Variants in PLXNA4 observed in about 807,000 individuals in gnomAD.
The protein encoded by PLXNA4 is plexin-A4.
In PLXNA4, 44 loss-of-function variants were observed where a neutral mutation model predicts 191.8. The ratio of observed to expected loss-of-function variants is 0.23; its 90% CI spans 0.18 to 0.29. The LOEUF (loss-of-function observed/expected upper bound fraction) is 0.29. Ranked by LOEUF, PLXNA4 falls within the 10% of genes least tolerant of loss-of-function variation. The pLI, the probability that PLXNA4 is intolerant of heterozygous loss-of-function variation, is 1.00. For missense variants in PLXNA4, 1,800 were observed against 2,488.8 expected (o/e 0.72, Z 5.89); for synonymous variants, 1,082 against 1,009.5 (o/e 1.07, Z -1.36).
At chr7:132,588,866 A>C (rs1802556495) in intron 2 of PLXNA4, among the ~76,000 whole-genome samples, 1 of 151,218 alleles carries the variant, frequency 6.6e-6, no homozygotes, top group Non-Finnish European at 1.5e-5. Flanking sequence ...AGGAGGGAGA[A>C]AGGGAAGAAA....
At chr7:132,608,081 C>CCATCATCATCACTAT (rs1802969670) in intron 2 of PLXNA4, among the ~76,000 whole-genome samples, 1 of 145,102 alleles carries the variant, frequency 6.9e-6, no homozygotes, top group Non-Finnish European at 1.5e-5. Context: ...ACCACCATCA[C>CCATCATCATCACTAT]CACCATCATC....
chr7:132,145,104 C>G lies in PLXNA4; in HGVS notation c.5225+15G>C. On this transcript the variant is annotated intron_variant, in intron 29 of 31. Coordinates refer to ENST00000321063, the MANE Select transcript of PLXNA4 (RefSeq NM_020911.2). ...TCAGGGCTCCCGATGTGCCCCCTGCCCTCCCTTCACTCACCAATTGCTCTT... is the reference window on the plus strand; with the variant it reads ...TCAGGGCTCCCGATGTGCCCCCTGCGCTCCCTTCACTCACCAATTGCTCTT... 1 of 1,613,916 alleles carries G rather than the reference C, an allele frequency of 6.2e-7. No homozygotes were observed. Among genetic ancestry groups the G allele is most frequent in the Non-Finnish European group, 8.5e-7 (1 of 1,179,942 alleles).
intron 3 of PLXNA4, among the ~76,000 whole-genome samples, chr7:132,365,366 C>CGCGCGT (rs1804131572): frequency 1.6e-5 from 2 of 124,410 alleles, no homozygotes; most frequent in African/African-American, 7.6e-5. Context: ...TGTGTGCGTG[C>CGCGCGT]GCGCGCATGC....
chr7:132,160,337 C>T (rs146044582), intron 24 of PLXNA4, among the ~76,000 whole-genome samples: 421 of 152,312 alleles, frequency 2.8e-3, no homozygotes, highest in Non-Finnish European at 4.4e-3. Flanking sequence ...GGGGAAGAGG[C>T]GACTGCATAG....
At chr7:132,408,270 CAT>C (rs1041413028) in intron 3 of PLXNA4, among the ~76,000 whole-genome samples, 8 of 152,018 alleles carry the variant, frequency 5.3e-5, no homozygotes, top group Non-Finnish European at 8.8e-5. Flanking sequence ...AAAAATGAGA[CAT>C]AGAGTATAAT....
chr7:132,262,825 G>A (rs1488183062), intron 4 of PLXNA4, among the ~76,000 whole-genome samples: 5 of 152,124 alleles, frequency 3.3e-5, no homozygotes, highest in African/African-American at 4.8e-5. Context: ...AAACATCAGC[G>A]GACTGCCAGT....
At chr7:132,396,117 AT>A (rs1174159344) in intron 3 of PLXNA4, among the ~76,000 whole-genome samples, 1 of 152,174 alleles carries the variant, frequency 6.6e-6, no homozygotes, top group Non-Finnish European at 1.5e-5. Context: ...GGTCAAAGTG[AT>A]CACATCAAGA....
intron 2 of PLXNA4, among the ~76,000 whole-genome samples, chr7:132,596,687 T>C (rs1422945959): frequency 6.6e-6 from 1 of 152,150 alleles, no homozygotes; most frequent in Admixed American, 6.6e-5. Context: ...GTTGGCTCCA[T>C]GCTAGAGTCC....
intron 1 of PLXNA4, among the ~76,000 whole-genome samples, chr7:132,549,687 A>T (rs1800471222): frequency 6.6e-6 from 1 of 152,206 alleles, no homozygotes; most frequent in African/African-American, 2.4e-5. Context: ...AAGTACATCA[A>T]ATGCAGGGAG....
intron 12 of PLXNA4, among the ~76,000 whole-genome samples, chr7:132,198,897 G>A (rs1369543487): frequency 1.3e-5 from 2 of 152,168 alleles, no homozygotes; most frequent in African/African-American, 4.8e-5. Context: ...ATGAGAGGAT[G>A]GAACATGACC....
At chr7:132,562,506 T>C (rs1801247598) in intron 1 of PLXNA4, among the ~76,000 whole-genome samples, 3 of 129,394 alleles carry the variant, frequency 2.3e-5, no homozygotes, top group Non-Finnish European at 3.2e-5. Flanking sequence ...CTCCTCCTCC[T>C]CCTTCTCCTC....
chr7:132,198,742 C>T, intron 12 of PLXNA4, 106 bp from the exon 13 acceptor site: 2 of 1,510,242 alleles, frequency 1.3e-6, no homozygotes, highest in East Asian at 2.3e-5. Context: ...GCCCCAGAGT[C>T]CCTGAGTGGC....
intron 3 of PLXNA4, among the ~76,000 whole-genome samples, chr7:132,352,949 T>C (rs1259760066): frequency 6.6e-6 from 1 of 152,166 alleles, no homozygotes; most frequent in African/African-American, 2.4e-5. Flanking sequence ...GACAAGTATG[T>C]ATGAAATATC....
intron 3 of PLXNA4, among the ~76,000 whole-genome samples, chr7:132,444,457 A>C (rs527507176): frequency 6.6e-6 from 1 of 152,248 alleles, no homozygotes; most frequent in South Asian, 2.1e-4. Context: ...GTTTCACCAC[A>C]ATGGCCAGGC....
chr7:132,306,831 A>G (rs1801541501), intron 3 of PLXNA4, among the ~76,000 whole-genome samples: 1 of 152,080 alleles, frequency 6.6e-6, no homozygotes, highest in African/African-American at 2.4e-5. Flanking sequence ...AATCTCTAGA[A>G]TTTTCCCTTT....
rs141679401 is a variant in PLXNA4 at position 132,546,957 on chromosome 7, C to T, written c.-87+29465G>A. On this transcript the variant is annotated intron_variant, in intron 1 of 31. Coordinates refer to ENST00000321063, the MANE Select transcript of PLXNA4 (RefSeq NM_020911.2). Reference sequence around the variant, plus strand: ...TGCCAAACTGGCCCATCTGGTTTCACTATTCCAGGAAAGGGAGCCCAAAAG... The same window carrying T: ...TGCCAAACTGGCCCATCTGGTTTCATTATTCCAGGAAAGGGAGCCCAAAAG... Among the ~76,000 whole-genome samples the T allele has an allele frequency of 4.4e-3, 677 of 152,286 alleles. 5 individuals carry two copies. Among genetic ancestry groups the T allele is most frequent in the African/African-American group, 0.016 (655 of 41,546 alleles).
At chr7:132,275,769 G>A (rs1800253255) in intron 4 of PLXNA4, among the ~76,000 whole-genome samples, 1 of 152,140 alleles carries the variant, frequency 6.6e-6, no homozygotes, top group Admixed American at 6.5e-5. Context: ...GTGATTCCAG[G>A]GTTGTCACCC....
chr7:132,253,048 G>T (rs1346862746), intron 4 of PLXNA4, among the ~76,000 whole-genome samples: 1 of 152,180 alleles, frequency 6.6e-6, no homozygotes, highest in East Asian at 1.9e-4. Flanking sequence ...CTTCTAGAGA[G>T]AGAGTTACAT....
chr7:132,449,941 T>G (rs1338353717), intron 3 of PLXNA4, among the ~76,000 whole-genome samples: 3 of 152,252 alleles, frequency 2.0e-5, no homozygotes, highest in African/African-American at 7.2e-5. Context: ...GCTCAGCGGC[T>G]GTGACAGTCC....
Sources: gnomAD v4.1 joint callset for allele counts (sites outside exome capture counted in the v4.1 genomes callset) on GRCh38, gnomAD v4.1.1 for gene constraint, MANE v1.5 for transcripts, NCBI Gene and HGNC (gene_info 2026-07-23, HGNC 2026-07-21) for gene names.